AHCTF1: variants seen among roughly 807,000 people sequenced by gnomAD.
AHCTF1 encodes the protein AT-hook containing transcription factor 1.
Under a neutral mutation model 248.4 loss-of-function variants are expected in AHCTF1, and 24 were observed. The observed-to-expected ratio is 0.10, with a 90% CI of 0.07 to 0.14. AHCTF1 has a LOEUF of 0.14. AHCTF1 is among the 10% of genes least tolerant of loss of function. The probability of loss-of-function intolerance (pLI) is 1.00; values close to 1 mark genes in which losing one functional copy is unlikely to be tolerated. For missense variants in AHCTF1, 2,206 were observed against 2,636.2 expected, an observed-to-expected ratio of 0.84 and a Z score of 3.57; for synonymous variants, 786 against 929.8, an observed-to-expected ratio of 0.85 and a Z score of 2.81.
rs959262009 is a variant in AHCTF1 at position 246,877,251 on chromosome 1, A to G, written c.2712T>C (p.Asn904=). The change falls in exon 22 of 36, where the codon AAT becomes AAC. Residue 904 remains asparagine, a synonymous_variant. Transcript: ENST00000648844. ...NFLRQHCNRL[N]IEELLKHMYE... is the part of the protein sequence containing the mutation. ...ACATGTGCTTCAGTAACTCCTCTAT[A>G]TTCAACCTATTGCAATGTTGCCGCA... 3.7e-6 allele frequency: 6 copies of G among 1,611,398 alleles called. No homozygotes were observed. Among genetic ancestry groups the G allele is most frequent in the South Asian group, 3.3e-5 (3 of 90,390 alleles).
rs1263451902 is a variant in AHCTF1 at position 246,850,075 on chromosome 1, T to C, written c.5931A>G (p.Pro1977=). 6.2e-7 allele frequency: 1 copy of C among 1,613,844 alleles called. No homozygotes were observed. Among genetic ancestry groups the C allele is most frequent in the South Asian group, 1.1e-5 (1 of 91,082 alleles). ...MSAIPRKRGR[P]RKINPSEDVG... is the part of the protein sequence containing the mutation. ...CATCTTCAGATGGATTGATTTTTCT[T>C]GGTCTACCACGTTTTCTAGGTATGG... Residue 1977 remains proline, a synonymous_variant, in exon 33 of 36, where the codon CCA becomes CCG. Coordinates refer to ENST00000648844, the MANE Select transcript of AHCTF1 (RefSeq NM_001323342.2).
chr1:246,891,138 G>A (rs753158977), intron 15 of AHCTF1, 78 bp from the exon 16 acceptor site: 8 of 794,930 alleles, frequency 1.0e-5, no homozygotes, highest in Middle Eastern at 2.3e-4. Flanking sequence ...TTAATCACTT[G>A]GTAATTTACA....
intron 32 of AHCTF1, among the ~76,000 whole-genome samples, chr1:246,852,390 A>C (rs201879215): frequency 9.9e-6 from 1 of 100,832 alleles, no homozygotes. Context: ...TTTTTTATCC[A>C]AATTTCTATA....
intron 25 of AHCTF1, 103 bp downstream of exon 25, chr1:246,867,558 C>T: frequency 4.3e-6 from 6 of 1,404,202 alleles, no homozygotes; most frequent in Non-Finnish European, 5.9e-6. Flanking sequence ...TTTTTACATA[C>T]ACTAATAAAC....
chr1:246,902,743 T>C (rs1665094993), intron 7 of AHCTF1, 68 bp from the exon 8 acceptor site: 1 of 1,389,788 alleles, frequency 7.2e-7, no homozygotes, highest in African/African-American at 1.5e-5. Context: ...AATTAAATAT[T>C]CTCCAAATTT....
rs187897007 is a variant in AHCTF1 at position 246,903,155 on chromosome 1, G to C, written c.967-480C>G. Among the ~76,000 whole-genome samples the C allele has an allele frequency of 1.6e-3, 239 of 152,214 alleles. 1 individual carries two copies. The highest frequency in any genetic ancestry group is 5.5e-3 in the African/African-American group (227 of 41,520). On this transcript the variant is annotated intron_variant, in intron 7 of 35. Transcript: ENST00000648844. ...GATTCCCTGAAACCCGTTTCTATAC[G>C]CCTCCAACATTAGGTTCAGAAAAGT... is the stretch of plus-strand genomic sequence containing the variant.
In AHCTF1 at chr1:246,840,838, G is replaced by A. The variant is rs752921619; in HGVS notation, c.6769C>T (p.Pro2257Ser). ...GRNRKKLSSYPKQILRRKML is the reference protein window; with the variant it reads ...GRNRKKLSSYSKQILRRKML Reference sequence around the variant, plus strand: ...ATTTTTCTGCGTAAAATTTGCTTTGGATAGGAAGACAGTTTCTTTCTGTTC... The same window carrying A: ...ATTTTTCTGCGTAAAATTTGCTTTGAATAGGAAGACAGTTTCTTTCTGTTC... Residue 2257 changes from proline (P) to serine (S), a missense_variant, in exon 36 of 36, where the codon CCA becomes TCA. Coordinates refer to ENST00000648844, the MANE Select transcript of AHCTF1 (RefSeq NM_001323342.2). 6.2e-7 allele frequency: 1 copy of A among 1,601,664 alleles called. No homozygotes were observed. Among genetic ancestry groups the A allele is most frequent in the African/African-American group, 1.3e-5 (1 of 74,150 alleles).
At chr1:246,922,944 C>T (rs1666665233) in intron 1 of AHCTF1, among the ~76,000 whole-genome samples, 1 of 137,230 alleles carries the variant, frequency 7.3e-6, no homozygotes, top group Non-Finnish European at 1.5e-5. Context: ...GATTGCACCA[C>T]TGCACTCTAG....
At chr1:246,846,748 T>A (rs1306743785) in intron 33 of AHCTF1, among the ~76,000 whole-genome samples, 3 of 151,280 alleles carry the variant, frequency 2.0e-5, no homozygotes, top group Non-Finnish European at 2.9e-5. Flanking sequence ...ATATATATAT[T>A]TTTTGGGGGG....
chr1:246,847,657 G>C (rs1283304335), intron 33 of AHCTF1, among the ~76,000 whole-genome samples: 1 of 152,140 alleles, frequency 6.6e-6, no homozygotes, highest in African/African-American at 2.4e-5. Context: ...ATGCCACCAG[G>C]TCTGGCTAAT....
Position 246,840,755 on chromosome 1 carries a change from A to G in AHCTF1, c.*51T>C, listed in dbSNP as rs1256355330. On this transcript the variant is annotated 3_prime_UTR_variant, in exon 36 of 36. Transcript: ENST00000648844. Reference sequence around the variant, plus strand: ...CCAAACTAGATATTTAATAATCCACACTATTCTGATGACTTTACAAATAGG... The same window carrying G: ...CCAAACTAGATATTTAATAATCCACGCTATTCTGATGACTTTACAAATAGG... 7.5e-7 allele frequency: 1 copy of G among 1,340,424 alleles called. No individual in the cohort carries two copies. Among genetic ancestry groups the G allele is most frequent in the Non-Finnish European group, 1.0e-6 (1 of 979,900 alleles). 83.0% of individuals were successfully genotyped at this position (1,340,424 alleles called of 1,614,324 possible).
rs1479082713 is a variant in AHCTF1, at chr1:246,870,401, TGACA to T, written c.3089-2594_3089-2591del. ...TTATACCACTGTACTAGAGCATCTG[TGACA>T]GACAAAGACCTTGTCTCTTAAAAAA... On this transcript the variant is annotated intron_variant, in intron 24 of 35. Coordinates refer to ENST00000648844, the MANE Select transcript of AHCTF1 (RefSeq NM_001323342.2). Among the ~76,000 whole-genome samples, 20 of 152,228 alleles carry T rather than the reference TGACA, an allele frequency of 1.3e-4. No homozygotes were observed. The South Asian group carries it at 3.1e-3, about 24-fold the overall frequency.
rs1276567688 is a variant in AHCTF1 at position 246,839,605 on chromosome 1, T to G, written c.*1201A>C. ...GTAGGCATTTTCACCAATTTCTCAT[T>G]ATCTGTATTATTTGGTAGAAAAATA... On this transcript the variant is annotated 3_prime_UTR_variant, in exon 36 of 36. Transcript: ENST00000648844. 14 of 981,810 alleles carry G rather than the reference T, an allele frequency of 1.4e-5. No homozygotes were observed. The highest frequency in any genetic ancestry group is 1.7e-5 in the Non-Finnish European group (14 of 826,360). The allele number at this position is 981,810 out of a possible 1,614,324, so 60.8% of individuals were successfully genotyped here.
chr1:246,865,144 G>A (rs948454044), intron 26 of AHCTF1: 1 of 152,156 alleles, frequency 6.6e-6, no homozygotes, highest in African/African-American at 2.4e-5. Context: ...TGGACCATTT[G>A]CACAGGTCAC....
rs201407224 is a variant in AHCTF1 at position 246,851,250 on chromosome 1, A to G, written c.4756T>C (p.Phe1586Leu). Residue 1586 changes from phenylalanine to leucine, a missense_variant, in exon 33 of 36, where the codon TTT becomes CTT. By Grantham distance (22) the Phe-to-Leu change is conservative. This residue lies in a region of AHCTF1 where 955 missense variants were observed against 1,055.6 expected (regional missense o/e 0.90). Transcript: ENST00000648844. The part of the protein sequence containing the change: ...CDIAEVDGEL[F>L]VAQSNFTLIL... ...AAGGTAAAGTTGCTTTGAGCCACAAAAAGTTCCCCATCTACTTCAGCAATG... is the reference window on the plus strand; with the variant it reads ...AAGGTAAAGTTGCTTTGAGCCACAAGAAGTTCCCCATCTACTTCAGCAATG... 3.1e-6 allele frequency: 5 copies of G among 1,613,820 alleles called. No homozygotes were observed. Among genetic ancestry groups the G allele is most frequent in the Non-Finnish European group, 2.5e-6 (3 of 1,179,860 alleles).
In AHCTF1 at chr1:246,853,195, T is replaced by C; in HGVS notation, c.4459A>G (p.Lys1487Glu). 6.2e-7 allele frequency: 1 copy of C among 1,613,520 alleles called. No homozygotes were observed. The highest frequency in any genetic ancestry group is 8.5e-7 in the Non-Finnish European group (1 of 1,179,708). Reference sequence around the variant, plus strand: ...CCAACTTCTACTTCATGATCTTCTTTTAAGTTCAGCGCTACTTCCTGGTTA... The same window carrying C: ...CCAACTTCTACTTCATGATCTTCTTCTAAGTTCAGCGCTACTTCCTGGTTA... ...RLNQEVALNL[K>E]EDHEVEVGVL... The change falls in exon 32 of 36, where the codon AAA (lysine) becomes GAA (glutamate). Residue 1487 changes from lysine to glutamate, a missense_variant. Transcript: ENST00000648844.
chr1:246,908,197 G>C (rs1028460913), intron 4 of AHCTF1, among the ~76,000 whole-genome samples: 1 of 151,808 alleles, frequency 6.6e-6, no homozygotes, highest in African/African-American at 2.4e-5. Context: ...TATCACAGAT[G>C]AAAGGGAATG....
At chr1:246,847,546 G>A (rs1413164626) in intron 33 of AHCTF1, among the ~76,000 whole-genome samples, 1 of 152,152 alleles carries the variant, frequency 6.6e-6, no homozygotes, top group East Asian at 1.9e-4. Context: ...TGCCCAGGCT[G>A]GAGTGCAGGG....
chr1:246,839,556 G>A lies in AHCTF1; in HGVS notation c.*1250C>T. The A allele has an allele frequency of 1.2e-5, 12 of 985,832 alleles. No individual in the cohort carries two copies. Among genetic ancestry groups the A allele is most frequent in the South Asian group, 9.4e-5 (2 of 21,284 alleles). 61.1% of individuals were successfully genotyped at this position (985,832 alleles called of 1,614,324 possible). ...CTGACTAAAAGGCCGCACTCGCACT[G>A]CTTTCACACTGTCAACACTTTGCGT... On this transcript the variant is annotated 3_prime_UTR_variant, in exon 36 of 36. Coordinates refer to ENST00000648844, the MANE Select transcript of AHCTF1 (RefSeq NM_001323342.2).
Sources: allele counts gnomAD v4.1 joint callset (sites outside exome capture counted in the v4.1 genomes callset), GRCh38; gene constraint gnomAD v4.1.1; regional missense constraint gnomAD v4.1.1; transcripts MANE v1.5; gene names NCBI Gene and HGNC (gene_info 2026-07-23, HGNC 2026-07-21).